ARVCF: variants seen among roughly 807,000 people sequenced by gnomAD.
The protein encoded by ARVCF is splicing regulator ARVCF.
In ARVCF, 66 loss-of-function variants were observed where a neutral mutation model predicts 90.9. The ratio of observed to expected loss-of-function variants is 0.73; its 90% confidence interval spans 0.60 to 0.89. ARVCF has a LOEUF of 0.89. ARVCF is among the 40% of genes least tolerant of loss of function. The pLI is 0.00. For missense variants in ARVCF, 1,469 were observed against 1,382.3 expected, an observed-to-expected ratio of 1.06 and a Z score of -1.00; for synonymous variants, 653 against 603.4, an observed-to-expected ratio of 1.08 and a Z score of -1.21.
rs1056628442 is a variant in ARVCF, at chr22:19,973,962, C to A, written c.2088+150G>T. ...AGGTTTTCCCACCGTCCAGGGTGCACGCATTGCCCGCAGCCCATACACCTC... is the reference window on the plus strand; with the variant it reads ...AGGTTTTCCCACCGTCCAGGGTGCAAGCATTGCCCGCAGCCCATACACCTC... On this transcript the variant is annotated intron_variant, in intron 12 of 19. Transcript: ENST00000263207. The A allele has an allele frequency of 5.5e-6, 8 of 1,467,640 alleles. No individual in the cohort carries two copies. The Admixed American group carries it at 1.3e-4, about 23-fold the overall frequency. 90.9% of individuals were successfully genotyped at this position (1,467,640 alleles called of 1,614,324 possible). A position where few individuals can be genotyped will look rare whatever the true frequency, so the allele number is the denominator to read the frequency against.
intron 2 of ARVCF, among the ~76,000 whole-genome samples, chr22:20,004,358 ATGTATC>A (rs1944545101): frequency 6.6e-6 from 1 of 152,112 alleles, no homozygotes; most frequent in Admixed American, 6.6e-5. Context: ...GCATAGTAGC[ATGTATC>A]TGTAATCCTA....
At chr22:19,988,559 G>A (rs1221861031) in intron 3 of ARVCF, among the ~76,000 whole-genome samples, 2 of 152,238 alleles carry the variant, frequency 1.3e-5, no homozygotes, top group Admixed American at 6.5e-5. Flanking sequence ...ATGAAGGGCA[G>A]GTAGCCAGGA....
intron 7 of ARVCF, 32 bp downstream of exon 7, chr22:19,978,865 A>G: frequency 1.9e-6 from 3 of 1,589,976 alleles, no homozygotes; most frequent in Non-Finnish European, 2.6e-6. Flanking sequence ...CCTGGTGTGC[A>G]TGTGGGCTTT....
rs7288060 is a variant in ARVCF at position 19,971,187 on chromosome 22, T to A, written c.*12+29A>T. 2.5e-3 allele frequency: 3,929 copies of A among 1,551,264 alleles called. 87 individuals carry two copies. The African/African-American group carries it at 0.045, about 18-fold the overall frequency. ...CCCTGGCCCAGAGGGCAGGAACAGGTGGACGAACAACCAGATGAGAGAACG... is the reference window on the plus strand; with the variant it reads ...CCCTGGCCCAGAGGGCAGGAACAGGAGGACGAACAACCAGATGAGAGAACG... On this transcript the variant is annotated intron_variant, in intron 19 of 19. Coordinates refer to ENST00000263207, the MANE Select transcript of ARVCF (RefSeq NM_001670.3).
At chr22:19,965,157 G>A (rs1261016637), downstream of ARVCF, 2 of 155,172 alleles carry the variant, frequency 1.3e-5, no homozygotes, top group Non-Finnish European at 2.9e-5. Context: ...GGCAGAGAAT[G>A]TTCCAGGAAC....
chr22:19,976,794 C>CACA, intron 9 of ARVCF, 71 bp from the exon 10 acceptor site: 1 of 1,528,654 alleles, frequency 6.5e-7, no homozygotes, highest in South Asian at 1.2e-5. Flanking sequence ...CCCCCCCATG[C>CACA]CCTCCCGGAA....
At chr22:19,968,665 G>T, downstream of ARVCF, 2 of 1,613,978 alleles carry the variant, frequency 1.2e-6, no homozygotes, top group Non-Finnish European at 1.7e-6. Flanking sequence ...ATCGTTCCTG[G>T]AATACAGGGA....
At chr22:19,967,083 G>A (rs2146188690), downstream of ARVCF, 5 of 1,237,840 alleles carry the variant, frequency 4.0e-6, no homozygotes, top group South Asian at 1.4e-5. Flanking sequence ...TTTCGTAAAG[G>A]AGTGGGCCCC....
At chr22:19,977,708 T>C (rs995789597) in intron 8 of ARVCF, 122 bp from the exon 9 acceptor site, 59 of 1,344,768 alleles carry the variant, frequency 4.4e-5, no homozygotes, top group Non-Finnish European at 5.8e-5. Context: ...GAGTCCTCAG[T>C]GGAGGGGAGC....
Position 19,981,644 on chromosome 22 carries a change from G to A in ARVCF, c.463C>T (p.Leu155=). The A allele has an allele frequency of 6.2e-7, 1 of 1,609,754 alleles. No homozygotes were observed. Among genetic ancestry groups the A allele is most frequent in the South Asian group, 1.1e-5 (1 of 90,968 alleles). Residue 155 remains leucine (L), a synonymous_variant, in exon 5 of 20, where the codon CTA becomes TTA. Transcript: ENST00000263207. ...GLPLLDGGPP[L]GPFADGALDR... The stretch of plus-strand genomic sequence containing the variant: ...AGGGCACCATCTGCAAAAGGGCCTA[G>A]TGGGGGGCCGCCATCCAGCAGGGGG...
chr22:19,976,784 C>G, intron 9 of ARVCF, 61 bp from the exon 10 acceptor site: 1 of 1,525,638 alleles, frequency 6.6e-7, no homozygotes. Context: ...GCACTCATCA[C>G]CCCCCCATGC....
intron 2 of ARVCF, among the ~76,000 whole-genome samples, chr22:20,001,262 C>G (rs1601663631): frequency 1.3e-5 from 2 of 152,242 alleles, no homozygotes; most frequent in South Asian, 4.1e-4. Flanking sequence ...CCTCTGATCC[C>G]ACATGAGGTT....
intron 3 of ARVCF, among the ~76,000 whole-genome samples, chr22:19,983,940 G>C (rs1000111847): frequency 6.6e-6 from 1 of 152,230 alleles, no homozygotes. Context: ...GCAGGAGAAG[G>C]CTTGTGTGGC....
intron 3 of ARVCF, chr22:19,987,239 C>T: frequency 2.9e-6 from 1 of 342,406 alleles, no homozygotes; most frequent in Non-Finnish European, 5.3e-6. Flanking sequence ...CGGCGAGCAG[C>T]CAATCGGGCG....
downstream of ARVCF, chr22:19,969,744 C>T: frequency 1.2e-6 from 1 of 821,176 alleles, no homozygotes; most frequent in South Asian, 5.6e-5. Context: ...AGTTTGGGGC[C>T]ACCCAGGGAC....
intron 5 of ARVCF, chr22:19,980,891 G>C: frequency 3.0e-6 from 1 of 334,276 alleles, no homozygotes. Context: ...AGAAACTGAG[G>C]GCAATGGGGA....
At chr22:19,969,757 G>A, downstream of ARVCF, 1 of 894,176 alleles carries the variant, frequency 1.1e-6, no homozygotes, top group Non-Finnish European at 1.3e-6. Context: ...CCAGGGACCA[G>A]AAACAGAGCC....
chr22:19,986,013 C>A, intron 3 of ARVCF, among the ~76,000 whole-genome samples: 1 of 152,262 alleles, frequency 6.6e-6, no homozygotes, highest in Non-Finnish European at 1.5e-5. Context: ...GGTGCCACAG[C>A]CTCTGACCAG....
intron 2 of ARVCF, among the ~76,000 whole-genome samples, chr22:20,004,960 T>C (rs926221574): frequency 7.9e-5 from 12 of 152,160 alleles, no homozygotes; most frequent in African/African-American, 2.9e-4. Context: ...TAGGGGAAAG[T>C]CTTCATGACA....
Sources: gnomAD v4.1 joint callset for allele counts (sites outside exome capture counted in the v4.1 genomes callset) on GRCh38, gnomAD v4.1.1 for gene constraint, MANE v1.5 for transcripts, NCBI Gene and HGNC (gene_info 2026-07-23, HGNC 2026-07-21) for gene names.